TMEM132B: variants seen among roughly 807,000 people sequenced by gnomAD.
TMEM132B encodes the protein transmembrane protein 132B.
A neutral mutation model predicts 90.8 loss-of-function variants in TMEM132B; 18 were observed. That is an observed-to-expected ratio of 0.20 (90% CI 0.14 to 0.29). The LOEUF (loss-of-function observed/expected upper bound fraction) is 0.29, where lower values mean the gene tolerates loss of function less well. TMEM132B is among the 10% of genes least tolerant of loss of function. The probability of loss-of-function intolerance (pLI) is 1.00; values close to 1 mark genes in which losing one functional copy is unlikely to be tolerated. For synonymous variants in TMEM132B, 504 were observed against 523.3 expected (o/e 0.96, Z 0.50); for missense variants, 1,096 against 1,326.8 (o/e 0.83, Z 2.70).
In TMEM132B at chr12:125,458,659, G is replaced by A. The variant is rs940235597; in HGVS notation, c.1106+42982G>A. On this transcript the variant is annotated intron_variant, in intron 3 of 8. Coordinates refer to ENST00000682704, the MANE Select transcript of TMEM132B (RefSeq NM_001366854.1). This position sits in a 1 kb window ranked among gnomAD's most constrained non-coding sequence, Gnocchi z 4.9. ...ACTCACATCCATGCGGCCAGCGTCC[G>A]TGTCCCCTGCCTCTGAGAATGGCCA... Among the ~76,000 whole-genome samples the A allele has an allele frequency of 2.6e-5, 4 of 152,198 alleles. No homozygotes were observed. Among genetic ancestry groups the A allele is most frequent in the Non-Finnish European group, 4.4e-5 (3 of 68,024 alleles).
intron 4 of TMEM132B, 54 bp downstream of exon 4, chr12:125,519,679 A>G (rs923632957): frequency 2.6e-6 from 4 of 1,555,696 alleles, no homozygotes; most frequent in South Asian, 2.2e-5. Flanking sequence ...TTCTTTAAAC[A>G]TGATGCACTG....
At chr12:125,522,041 G>A (rs142884181) in intron 4 of TMEM132B, among the ~76,000 whole-genome samples, 153 of 152,262 alleles carry the variant, frequency 1.0e-3, no homozygotes, top group African/African-American at 3.5e-3. Flanking sequence ...TATTCAGAAC[G>A]TGGCCATGCC....
intron 3 of TMEM132B, among the ~76,000 whole-genome samples, chr12:125,508,733 CTGTT>C (rs1440307157): frequency 6.6e-6 from 1 of 151,560 alleles, no homozygotes; most frequent in Non-Finnish European, 1.5e-5. Flanking sequence ...CAGAAGCAGA[CTGTT>C]TGAAAAGTAA....
chr12:125,257,153 CA>C (rs1211991553), intron 1 of TMEM132B, among the ~76,000 whole-genome samples: 1 of 151,898 alleles, frequency 6.6e-6, no homozygotes, highest in African/African-American at 2.4e-5. Flanking sequence ...CTCTCAGAAA[CA>C]AAAAAATCTG....
chr12:125,449,445 T>C (rs1026237484), intron 3 of TMEM132B, among the ~76,000 whole-genome samples: 1 of 152,226 alleles, frequency 6.6e-6, no homozygotes, highest in African/African-American at 2.4e-5. Context: ...ATTCCTGATA[T>C]TCATAACTTT....
chr12:125,486,579 G>A (rs1882211290), intron 3 of TMEM132B, among the ~76,000 whole-genome samples: 1 of 152,138 alleles, frequency 6.6e-6, no homozygotes, highest in African/African-American at 2.4e-5. Context: ...TAAAAGCTTT[G>A]AGAATTTATA....
At chr12:125,239,448 T>G (rs1874014161) in intron 1 of TMEM132B, among the ~76,000 whole-genome samples, 1 of 152,216 alleles carries the variant, frequency 6.6e-6, no homozygotes, top group Admixed American at 6.5e-5. Flanking sequence ...GCGTCAGGAA[T>G]GGTTGGATCC....
At position 125,653,881 on chromosome 12, in the gene TMEM132B, T is replaced by C. The variant is rs1379241564; in HGVS notation, c.2423T>C (p.Ile808Thr). Residue 808 changes from isoleucine (I) to threonine (T), a missense_variant, in exon 9 of 9, where the codon ATT becomes ACT. Physicochemically the swap from Ile to Thr is moderately conservative, Grantham distance 89. Coordinates refer to ENST00000682704, the MANE Select transcript of TMEM132B (RefSeq NM_001366854.1). ...SDEHQGGSND[I>T]EGINREYKDH... is the part of the protein sequence containing the mutation. ...GAGCACCAAGGAGGCAGCAATGATA[T>C]TGAGGGCATAAATCGGGAATATAAA... 6.2e-7 allele frequency: 1 copy of C among 1,614,104 alleles called. No homozygotes were observed. Among genetic ancestry groups the C allele is most frequent in the South Asian group, 1.1e-5 (1 of 91,070 alleles).
Position 125,246,468 on chromosome 12 carries a change from G to A in TMEM132B, c.67+59602G>A, listed in dbSNP as rs1051024838. On this transcript the variant is annotated intron_variant, in intron 1 of 8. Coordinates refer to ENST00000682704, the MANE Select transcript of TMEM132B (RefSeq NM_001366854.1). This position sits in a 1 kb window ranked among gnomAD's most constrained non-coding sequence, Gnocchi z 4.2. ...TGTCCCCACTCAGATGCCTTGTTTC[G>A]AAACAGCGTGCCGGTGTTATGATTG... Among the ~76,000 whole-genome samples, 12 of 152,252 alleles carry A rather than the reference G, an allele frequency of 7.9e-5. No homozygotes were observed. Among genetic ancestry groups the A allele is most frequent in the South Asian group, 2.1e-4 (1 of 4,812 alleles).
chr12:125,409,545 G>C (rs958708303), intron 2 of TMEM132B, among the ~76,000 whole-genome samples: 7 of 151,988 alleles, frequency 4.6e-5, no homozygotes, highest in Admixed American at 4.6e-4. Context: ...CAAGTGGGGT[G>C]CTTGGCTGTG....
At chr12:125,456,694 C>T (rs1418420615) in intron 3 of TMEM132B, among the ~76,000 whole-genome samples, 2 of 152,138 alleles carry the variant, frequency 1.3e-5, no homozygotes, top group African/African-American at 2.4e-5. Context: ...CTGCTTATTC[C>T]CAGGCCTCCC....
chr12:125,307,796 C>CAAGTATATATACTTATATTAT (rs1478301621), intron 1 of TMEM132B, among the ~76,000 whole-genome samples: 1 of 25,414 alleles, frequency 3.9e-5, no homozygotes, highest in Non-Finnish European at 7.3e-5. Flanking sequence ...AAGTATATTA[C>CAAGTATATATACTTATATTAT]AAGTATATAT....
intron 3 of TMEM132B, among the ~76,000 whole-genome samples, chr12:125,483,023 C>T (rs965233039): frequency 1.3e-5 from 2 of 149,420 alleles, no homozygotes; most frequent in African/African-American, 2.5e-5. Flanking sequence ...CATGTTCTCA[C>T]TCATAGGTGG....
chr12:125,250,824 C>T (rs1874301568), intron 1 of TMEM132B, among the ~76,000 whole-genome samples: 1 of 152,198 alleles, frequency 6.6e-6, no homozygotes, highest in Admixed American at 6.5e-5. Context: ...GCCTGCAGGC[C>T]CCTGCCCACG....
At chr12:125,499,960 C>T (rs1419284445) in intron 3 of TMEM132B, among the ~76,000 whole-genome samples, 2 of 152,170 alleles carry the variant, frequency 1.3e-5, no homozygotes, top group African/African-American at 4.8e-5. Flanking sequence ...ACCATCTCAC[C>T]TCATAATCAA....
At chr12:125,262,296 AC>A (rs1394431766) in intron 1 of TMEM132B, among the ~76,000 whole-genome samples, 2 of 151,172 alleles carry the variant, frequency 1.3e-5, no homozygotes, top group African/African-American at 4.9e-5. Context: ...GGTGGTATGC[AC>A]CTTTGGTCCC....
In TMEM132B at chr12:125,575,057, CATATATATATAT is replaced by C. The variant is rs147688714; in HGVS notation, c.1294-8779_1294-8768del. ...ATGAAATCCCAAACCTATTAGCTGT[CATATATATATAT>C]ATATATATATATATTCAGGAGTAGA... On this transcript the variant is annotated intron_variant, in intron 4 of 8. Coordinates refer to ENST00000682704, the MANE Select transcript of TMEM132B (RefSeq NM_001366854.1). Among the ~76,000 whole-genome samples, 42 of 43,856 alleles carry C rather than the reference CATATATATATAT, an allele frequency of 9.6e-4. 5 individuals are homozygous for C. The highest frequency in any genetic ancestry group is 1.7e-3 in the Non-Finnish European group (28 of 16,236). The allele number at this position is 43,856 out of a possible 152,430, so 28.8% of individuals were successfully genotyped here.
intron 3 of TMEM132B, among the ~76,000 whole-genome samples, chr12:125,506,147 C>T (rs59065913): frequency 0.019 from 2,962 of 152,256 alleles, 105 homozygotes; most frequent in African/African-American, 0.069. Flanking sequence ...AATAGATAAA[C>T]GAATTGTAAA....
chr12:125,441,496 C>A (rs1880869533), intron 3 of TMEM132B, among the ~76,000 whole-genome samples: 2 of 152,242 alleles, frequency 1.3e-5, no homozygotes, highest in Admixed American at 6.5e-5. Context: ...ACCAGGGTTT[C>A]TTTCTAAATG....
Sources: allele counts gnomAD v4.1 joint callset (sites outside exome capture counted in the v4.1 genomes callset), GRCh38; gene constraint gnomAD v4.1.1; non-coding constraint Gnocchi (gnomAD v3.1); transcripts MANE v1.5; gene names NCBI Gene and HGNC (gene_info 2026-07-23, HGNC 2026-07-21).